COG5: variants seen among roughly 807,000 people sequenced by gnomAD.
COG5 encodes the protein conserved oligomeric Golgi complex subunit 5.
COG5 carries 86 observed loss-of-function variants against 110.4 expected under a neutral mutation model. The observed-to-expected ratio is 0.78, with a 90% CI of 0.65 to 0.93. The LOEUF (loss-of-function observed/expected upper bound fraction) is 0.93, where lower values mean the gene tolerates loss of function less well. COG5 is among the 40% of genes least tolerant of loss of function. COG5 has a pLI of 0.00. For missense variants in COG5, 1,077 were observed against 987.0 expected (o/e 1.09, Z -1.22); for synonymous variants, 360 against 334.6 (o/e 1.08, Z -0.83).
rs771774154 is a variant in COG5, at chr7:107,201,401, T to TTTA, written c.*2112_*2114dup. The TTTA allele has an allele frequency of 6.4e-7, 1 of 1,555,504 alleles. No individual in the cohort carries two copies. The highest frequency in any genetic ancestry group is 1.1e-5 in the South Asian group (1 of 89,208). On this transcript the variant is annotated 3_prime_UTR_variant, in exon 22 of 22. Coordinates refer to ENST00000297135, the MANE Select transcript of COG5 (RefSeq NM_006348.5). ...TTTGTAAACATTCACTGAGTTTAAT[T>TTTA]TTATTTCCACAGGGCTCACAACAAC...
chr7:107,529,399 G>C (rs990676984), intron 5 of COG5, among the ~76,000 whole-genome samples: 10 of 152,196 alleles, frequency 6.6e-5, no homozygotes, highest in African/African-American at 1.9e-4. Context: ...GTCCACGCCT[G>C]GTGCATTAAA....
chr7:107,485,721 C>T (rs1336850829), intron 6 of COG5, among the ~76,000 whole-genome samples: 2 of 152,156 alleles, frequency 1.3e-5, no homozygotes, highest in Non-Finnish European at 2.9e-5. Flanking sequence ...TTAGCCCTCA[C>T]TTAATGCCAA....
intron 6 of COG5, among the ~76,000 whole-genome samples, chr7:107,451,737 T>C (rs927355785): frequency 9.2e-5 from 14 of 152,206 alleles, no homozygotes; most frequent in African/African-American, 3.4e-4. Flanking sequence ...TTTCTCTTTC[T>C]TATCATTTTC....
intron 6 of COG5, among the ~76,000 whole-genome samples, chr7:107,486,512 T>C (rs537732183): frequency 2.6e-5 from 4 of 151,964 alleles, no homozygotes; most frequent in Non-Finnish European, 5.9e-5. Flanking sequence ...AAAGACACAG[T>C]CTTGGAAAAA....
chr7:107,269,021 CTTAT>C (rs1562942483), intron 14 of COG5, among the ~76,000 whole-genome samples: 1 of 152,068 alleles, frequency 6.6e-6, no homozygotes, highest in Non-Finnish European at 1.5e-5. Context: ...TAAACTTTCC[CTTAT>C]TTGTCATGAT....
intron 14 of COG5, among the ~76,000 whole-genome samples, chr7:107,261,895 A>AT (rs372803824): frequency 0.024 from 3,353 of 138,850 alleles, 117 homozygotes; most frequent in South Asian, 0.14. Flanking sequence ...CTTCTCTTTG[A>AT]TTTTTTTTTT....
At chr7:107,484,171 C>G (rs1797514907) in intron 6 of COG5, among the ~76,000 whole-genome samples, 2 of 152,108 alleles carry the variant, frequency 1.3e-5, no homozygotes, top group Admixed American at 1.3e-4. Context: ...CCTGCTCAGC[C>G]TCTCGAGTGG....
chr7:107,392,109 A>G (rs1195592838), intron 7 of COG5, among the ~76,000 whole-genome samples: 1 of 151,872 alleles, frequency 6.6e-6, no homozygotes, highest in Non-Finnish European at 1.5e-5. Context: ...AAAAACCATT[A>G]TTTTCCTCAG....
intron 10 of COG5, among the ~76,000 whole-genome samples, chr7:107,351,316 G>C (rs918655187): frequency 3.9e-5 from 6 of 152,146 alleles, no homozygotes; most frequent in African/African-American, 1.4e-4. Context: ...ATTCAAGATG[G>C]ATTAAAGACT....
At chr7:107,223,094 C>A (rs1047351755) in intron 19 of COG5, among the ~76,000 whole-genome samples, 1 of 152,142 alleles carries the variant, frequency 6.6e-6, no homozygotes, top group Admixed American at 6.5e-5. Flanking sequence ...CTTGCCATCA[C>A]CCCATCTTGA....
chr7:107,201,666 T>C lies in COG5; in HGVS notation c.*1850A>G. 1 of 402,778 alleles carries C rather than the reference T, an allele frequency of 2.5e-6. No individual in the cohort carries two copies. Among genetic ancestry groups the C allele is most frequent in the East Asian group, 3.7e-5 (1 of 26,714 alleles). 25.0% of individuals were successfully genotyped at this position (402,778 alleles called of 1,614,324 possible). A position where few individuals can be genotyped will look rare whatever the true frequency, so the allele number is the denominator to read the frequency against. On this transcript the variant is annotated 3_prime_UTR_variant, in exon 22 of 22. Transcript: ENST00000297135. ...AAATTGCCTTATTTTTCTTCCAAAC[T>C]TCATATATGTCTATCAGGTAATAAT...
chr7:107,355,155 T>C (rs1270890240), intron 10 of COG5, among the ~76,000 whole-genome samples: 1 of 152,012 alleles, frequency 6.6e-6, no homozygotes, highest in Non-Finnish European at 1.5e-5. Flanking sequence ...TAATGAAAAA[T>C]TTTCTCACAA....
chr7:107,220,815 CTTT>C (rs1168926155), intron 19 of COG5, among the ~76,000 whole-genome samples: 8 of 123,914 alleles, frequency 6.5e-5, no homozygotes, highest in Admixed American at 1.6e-4. Context: ...CTCATGCCTT[CTTT>C]TTTTTTTTTT....
chr7:107,355,224 C>T (rs894978416), intron 10 of COG5, among the ~76,000 whole-genome samples: 3 of 152,144 alleles, frequency 2.0e-5, no homozygotes, highest in Non-Finnish European at 4.4e-5. Flanking sequence ...TACCATGACA[C>T]ACCTATTAGA....
At chr7:107,383,785 T>C (rs35598185) in intron 7 of COG5, among the ~76,000 whole-genome samples, 1 of 152,180 alleles carries the variant, frequency 6.6e-6, no homozygotes, top group Non-Finnish European at 1.5e-5. Context: ...CATTAAAAGA[T>C]GCCTTCTTTT....
intron 14 of COG5, among the ~76,000 whole-genome samples, chr7:107,270,628 T>TACACACACACACAC (rs112944834): frequency 6.6e-6 from 1 of 150,610 alleles, no homozygotes; most frequent in African/African-American, 2.4e-5. Flanking sequence ...AAAGATGTTA[T>TACACACACACACAC]ACACACACAC....
At chr7:107,288,593 C>T (rs1805848367) in intron 12 of COG5, among the ~76,000 whole-genome samples, 1 of 151,944 alleles carries the variant, frequency 6.6e-6, no homozygotes. Context: ...TATTGGTCAT[C>T]TATGTTTTCT....
At chr7:107,507,539 C>T (rs1799119027) in intron 6 of COG5, among the ~76,000 whole-genome samples, 1 of 150,242 alleles carries the variant, frequency 6.7e-6, no homozygotes, top group South Asian at 2.1e-4. Context: ...GATCTCCAGA[C>T]CTCGTGATCC....
rs1186856116 is a variant in COG5 at position 107,295,085 on chromosome 7, ATATATATATATATATATT to A, written c.1313+3039_1313+3056del. On this transcript the variant is annotated intron_variant, in intron 12 of 21. Coordinates refer to ENST00000297135, the MANE Select transcript of COG5 (RefSeq NM_006348.5). The stretch of plus-strand genomic sequence containing the variant: ...CACACACATATATATATATATATAT[ATATATATATATATATATT>A]TTTTTTTTTTTTTTGTAGAGTCAGG... Among the ~76,000 whole-genome samples the A allele has an allele frequency of 6.9e-4, 47 of 68,354 alleles. 1 individual carries two copies. The South Asian group carries it at 0.015, about 22-fold the overall frequency. 44.8% of individuals were successfully genotyped at this position (68,354 alleles called of 152,430 possible).
Sources: allele counts gnomAD v4.1 joint callset (sites outside exome capture counted in the v4.1 genomes callset), GRCh38; gene constraint gnomAD v4.1.1; transcripts MANE v1.5; gene names NCBI Gene and HGNC (gene_info 2026-07-23, HGNC 2026-07-21).